GABRR2: variants seen among roughly 807,000 people sequenced by gnomAD.
GABRR2 encodes the protein gamma-aminobutyric acid receptor subunit rho-2.
Under a neutral mutation model 47.0 loss-of-function variants are expected in GABRR2, and 36 were observed. The ratio of observed to expected loss-of-function variants is 0.77; its 90% confidence interval spans 0.59 to 1.01. The LOEUF is 1.01. Among genes scored for constraint, GABRR2 ranks in the 50% least tolerant of loss-of-function variants. GABRR2 has a pLI of 0.00. For missense variants in GABRR2, 587 were observed against 594.6 expected (o/e 0.99, Z 0.13); for synonymous variants, 204 against 227.5 (o/e 0.90, Z 0.93).
intron 2 of GABRR2, among the ~76,000 whole-genome samples, chr6:89,293,417 T>C (rs891792785): frequency 1.3e-5 from 2 of 152,190 alleles, no homozygotes; most frequent in African/African-American, 4.8e-5. Flanking sequence ...TTAATGCCAC[T>C]GAACTGTACA....
intron 2 of GABRR2, among the ~76,000 whole-genome samples, chr6:89,275,474 A>C (rs9294427): frequency 6.6e-6 from 1 of 151,490 alleles, no homozygotes; most frequent in East Asian, 1.9e-4. Flanking sequence ...GAGTTTCACC[A>C]TCTTGGCCAG....
chr6:89,283,988 G>A (rs925509538), intron 2 of GABRR2, among the ~76,000 whole-genome samples: 4 of 152,182 alleles, frequency 2.6e-5, no homozygotes, highest in South Asian at 2.1e-4. Context: ...GAGCCTCAGA[G>A]AGACAGATTG....
chr6:89,257,335 A>T lies in GABRR2; in HGVS notation c.*335T>A. 1 of 262,646 alleles carries T rather than the reference A, an allele frequency of 3.8e-6. No individual in the cohort carries two copies. Among genetic ancestry groups the T allele is most frequent in the East Asian group, 7.8e-5 (1 of 12,844 alleles). 16.3% of individuals were successfully genotyped at this position (262,646 alleles called of 1,614,324 possible). A position where few individuals can be genotyped will look rare whatever the true frequency, so the allele number is the denominator to read the frequency against. ...CCTTTTCCCTCCACAACTGACTCCT[A>T]GGCAATCTGAGGGTCTAAGAATGTC... On this transcript the variant is annotated 3_prime_UTR_variant, in exon 9 of 9. Transcript: ENST00000402938.
intron 2 of GABRR2, among the ~76,000 whole-genome samples, chr6:89,277,872 G>GC (rs1460336041): frequency 4.3e-5 from 6 of 139,478 alleles, no homozygotes; most frequent in Non-Finnish European, 9.4e-5. Flanking sequence ...CGGGGGTGGG[G>GC]GGGGGTGGGG....
At chr6:89,259,652 C>T (rs1391665262) in intron 8 of GABRR2, among the ~76,000 whole-genome samples, 2 of 151,838 alleles carry the variant, frequency 1.3e-5, no homozygotes, top group East Asian at 1.9e-4. Flanking sequence ...TACAGGTGCC[C>T]ACCACCATGC....
intron 8 of GABRR2, among the ~76,000 whole-genome samples, chr6:89,263,156 C>T (rs536739149): frequency 6.6e-6 from 1 of 152,310 alleles, no homozygotes; most frequent in African/African-American, 2.4e-5. Context: ...TTTCGTCCTC[C>T]TCCTCAGCCT....
At chr6:89,280,640 C>T (rs1381670744) in intron 2 of GABRR2, among the ~76,000 whole-genome samples, 4 of 152,146 alleles carry the variant, frequency 2.6e-5, no homozygotes, top group South Asian at 2.1e-4. Flanking sequence ...TGGGTGAATG[C>T]GGTTTTGCTC....
chr6:89,292,306 C>T (rs62417505), intron 2 of GABRR2, among the ~76,000 whole-genome samples: 6,095 of 140,946 alleles, frequency 0.043, 161 homozygotes, highest in South Asian at 0.079. Flanking sequence ...ATGGTGCAGC[C>T]GCTGTGGAAA....
intron 8 of GABRR2, among the ~76,000 whole-genome samples, chr6:89,264,058 T>C (rs1017111569): frequency 2.0e-5 from 3 of 152,198 alleles, no homozygotes; most frequent in African/African-American, 7.2e-5. Flanking sequence ...TAGATCCTGA[T>C]ACATGTGAAA....
rs9344923 is a variant in GABRR2, at chr6:89,315,042, T to C, written c.113+11A>G. The C allele has an allele frequency of 0.018, 29,685 of 1,610,934 alleles. 2,481 individuals are homozygous for C. The African/African-American group carries it at 0.23, about 12-fold the overall frequency. ...AGGGTAACCTCCCTCCTTTCCCACC[T>C]ATGACTTTACCTTGGCTTGGGCATT... On this transcript the variant is annotated intron_variant, in intron 1 of 8. Coordinates refer to ENST00000402938, the MANE Select transcript of GABRR2 (RefSeq NM_002043.5).
chr6:89,273,740 A>G (rs73503939), intron 2 of GABRR2, among the ~76,000 whole-genome samples: 5,569 of 152,306 alleles, frequency 0.037, 354 homozygotes, highest in African/African-American at 0.13. Context: ...AGAGGCTCCC[A>G]ACACCATTCA....
chr6:89,278,163 G>T (rs12213221), intron 2 of GABRR2, among the ~76,000 whole-genome samples: 67,317 of 151,964 alleles, frequency 0.44, 15,084 homozygotes, highest in East Asian at 0.63. Flanking sequence ...GAATATGTAC[G>T]GTATGCTTTC....
At chr6:89,273,337 A>G (rs945071150) in intron 2 of GABRR2, among the ~76,000 whole-genome samples, 1 of 152,136 alleles carries the variant, frequency 6.6e-6, no homozygotes, top group African/African-American at 2.4e-5. Context: ...GGTTTAAGCA[A>G]TTCTCCTGCT....
At position 89,266,159 on chromosome 6, in the gene GABRR2, C is replaced by G. The variant is rs533730417; in HGVS notation, c.737-394G>C. On this transcript the variant is annotated intron_variant, in intron 6 of 8. Coordinates refer to ENST00000402938, the MANE Select transcript of GABRR2 (RefSeq NM_002043.5). ...CTCACTGCAGCCTCAGCCTCCCAAG[C>G]TCAAGCGATCCTCCCACCTCAGCTT... is the stretch of plus-strand genomic sequence containing the variant. Among the ~76,000 whole-genome samples the G allele has an allele frequency of 2.6e-5, 4 of 152,276 alleles. No homozygotes were observed. The East Asian group carries it at 7.7e-4, about 29-fold the overall frequency.
At chr6:89,302,324 A>C (rs1767462233) in intron 1 of GABRR2, 1 of 563,832 alleles carries the variant, frequency 1.8e-6, no homozygotes, top group African/African-American at 1.9e-5. Context: ...GAGCCCTACA[A>C]CCCCATGCTG....
At chr6:89,306,335 G>T (rs1002221061) in intron 1 of GABRR2, among the ~76,000 whole-genome samples, 1 of 151,660 alleles carries the variant, frequency 6.6e-6, no homozygotes, top group Non-Finnish European at 1.5e-5. Context: ...ATTCTAGCCT[G>T]AGTAACAGAG....
At chr6:89,295,130 A>T (rs1394933869) in intron 2 of GABRR2, among the ~76,000 whole-genome samples, 1 of 152,158 alleles carries the variant, frequency 6.6e-6, no homozygotes, top group East Asian at 1.9e-4. Context: ...TAGCAGCATG[A>T]TTTATAATTC....
chr6:89,292,746 GTA>G (rs1208063284), intron 2 of GABRR2, among the ~76,000 whole-genome samples: 1 of 89,264 alleles, frequency 1.1e-5, no homozygotes, highest in Non-Finnish European at 2.3e-5. Context: ...ATATATAATC[GTA>G]TATATCGTAT....
chr6:89,278,529 C>A (rs1032969926), intron 2 of GABRR2, among the ~76,000 whole-genome samples: 14 of 152,210 alleles, frequency 9.2e-5, no homozygotes, highest in Admixed American at 8.5e-4. Context: ...GAAGGTGAGG[C>A]TGAGGGGCTT....
Sources: gnomAD v4.1 joint callset for allele counts (sites outside exome capture counted in the v4.1 genomes callset) on GRCh38, gnomAD v4.1.1 for gene constraint, MANE v1.5 for transcripts, NCBI Gene and HGNC (gene_info 2026-07-23, HGNC 2026-07-21) for gene names.